The following KIF26B variants were observed in gnomAD, a reference collection of about 807,000 sequenced individuals.
KIF26B encodes kinesin family member 26B, also known as kinesin-like protein KIF26B.
In KIF26B, 63 loss-of-function variants were observed where a neutral mutation model predicts 151.2. The ratio of observed to expected loss-of-function variants is 0.42; its 90% CI spans 0.34 to 0.51. The LOEUF (loss-of-function observed/expected upper bound fraction) is 0.51, where lower values mean the gene tolerates loss of function less well. Ranked by LOEUF, KIF26B falls within the 20% of genes least tolerant of loss-of-function variation. KIF26B has a pLI of 0.07. For missense variants in KIF26B, 2,813 were observed against 2,913.6 expected (o/e 0.97, Z 0.79); for synonymous variants, 1,357 against 1,262.1 (o/e 1.08, Z -1.59).
At chr1:245,382,033 G>T (rs112384655) in intron 3 of KIF26B, among the ~76,000 whole-genome samples, 1 of 152,086 alleles carries the variant, frequency 6.6e-6, no homozygotes, top group Non-Finnish European at 1.5e-5. Flanking sequence ...TGTGAACATG[G>T]GTATACACAT....
chr1:245,694,084 C>T (rs561181595), intron 12 of KIF26B, among the ~76,000 whole-genome samples: 3 of 152,198 alleles, frequency 2.0e-5, no homozygotes, highest in African/African-American at 2.4e-5. Context: ...GGTTCGGAAT[C>T]GCAGAGAACA....
rs1306497150 is a variant in KIF26B at position 245,244,077 on chromosome 1, G to T, written c.465+87394G>T. On this transcript the variant is annotated intron_variant, in intron 2 of 14. Coordinates refer to ENST00000407071, the MANE Select transcript of KIF26B (RefSeq NM_018012.4). The surrounding 1 kb of genome is among the most constrained non-coding windows in gnomAD (Gnocchi z 4.2). ...CCTCGGCCTCTTGTCCTGTTGAGTA[G>T]CTAGGACTACAGGCATGCACCATCA... 6.6e-6 allele frequency among the ~76,000 whole-genome samples: 1 copy of T among 151,966 alleles called. No individual in the cohort carries two copies. The highest frequency in any genetic ancestry group is 2.4e-5 in the African/African-American group (1 of 41,344).
At chr1:245,328,109 G>A (rs1172642456) in intron 2 of KIF26B, among the ~76,000 whole-genome samples, 1 of 148,468 alleles carries the variant, frequency 6.7e-6, no homozygotes, top group Non-Finnish European at 1.5e-5. Flanking sequence ...GTCTCCGAAT[G>A]AACTGCTTTG....
chr1:245,159,655 A>G (rs976456261), intron 2 of KIF26B, among the ~76,000 whole-genome samples: 10 of 152,200 alleles, frequency 6.6e-5, no homozygotes, highest in African/African-American at 2.4e-4. Context: ...TATATTTTCT[A>G]AACATGCTGC....
At chr1:245,388,920 A>G (rs1673620527) in intron 3 of KIF26B, among the ~76,000 whole-genome samples, 2 of 152,224 alleles carry the variant, frequency 1.3e-5, no homozygotes, top group South Asian at 2.1e-4. Flanking sequence ...ACTCTGGGAC[A>G]GTAAGCATTG....
intron 4 of KIF26B, among the ~76,000 whole-genome samples, chr1:245,533,702 T>G (rs189767060): frequency 1.3e-5 from 2 of 152,278 alleles, no homozygotes; most frequent in Admixed American, 1.3e-4. Flanking sequence ...TCTCATGAGA[T>G]GCACTTAGAA....
At chr1:245,369,895 C>A (rs1039188584) in intron 3 of KIF26B, among the ~76,000 whole-genome samples, 5 of 152,198 alleles carry the variant, frequency 3.3e-5, no homozygotes, top group African/African-American at 1.2e-4. Context: ...AATGAGGAAC[C>A]AGTGGCGTCC....
chr1:245,577,453 A>G (rs886307631), intron 5 of KIF26B, among the ~76,000 whole-genome samples: 2 of 152,282 alleles, frequency 1.3e-5, no homozygotes, highest in South Asian at 4.1e-4. Context: ...AGTCAAGAGC[A>G]CTTCCACAAT....
intron 2 of KIF26B, among the ~76,000 whole-genome samples, chr1:245,340,666 G>A (rs2102995580): frequency 6.6e-6 from 1 of 152,312 alleles, no homozygotes; most frequent in Non-Finnish European, 1.5e-5. Context: ...AAGATAGACA[G>A]GGTCCTGCTT....
intron 2 of KIF26B, among the ~76,000 whole-genome samples, chr1:245,300,978 C>G (rs1573761555): frequency 1.3e-5 from 2 of 151,342 alleles, no homozygotes; most frequent in East Asian, 3.9e-4. Flanking sequence ...TACAGGTGCG[C>G]ACCACCACAC....
rs1015033963 is a variant in KIF26B, at chr1:245,697,413, G to A, written c.5825-693G>A. Among the ~76,000 whole-genome samples, 5 of 152,180 alleles carry A rather than the reference G, an allele frequency of 3.3e-5. 1 individual carries two copies. Among genetic ancestry groups the A allele is most frequent in the African/African-American group, 7.2e-5 (3 of 41,442 alleles). On this transcript the variant is annotated intron_variant, in intron 12 of 14. Transcript: ENST00000407071. ...AAGTGTGTGAAATAGTACCAGGCAC[G>A]TAACCAGTGCATGTGAGTGCTACTG...
At chr1:245,187,006 A>G (rs2364892) in intron 2 of KIF26B, among the ~76,000 whole-genome samples, 151,913 of 152,078 alleles carry the variant, frequency 1, 75,874 homozygotes, top group Middle Eastern at 1. Context: ...ACAGGCGCGC[A>G]CCACCACGCT....
rs1250364356 is a variant in KIF26B, at chr1:245,685,947, G to T, written c.2964G>T (p.Leu988=). The T allele has an allele frequency of 6.2e-7, 1 of 1,609,088 alleles. No individual in the cohort carries two copies. ...AAGATAATGGGTCCGAAGGTCAGCT[G>T]ACCAACAGAGAAGGCCCTGAACTCC... ...DKEDNGSEGQ[L]TNREGPELPA... The change falls in exon 12 of 15, where the codon CTG becomes CTT. Residue 988 remains leucine, a synonymous_variant. Transcript: ENST00000407071.
intron 2 of KIF26B, among the ~76,000 whole-genome samples, chr1:245,171,282 G>A (rs986091027): frequency 1.3e-5 from 2 of 152,162 alleles, no homozygotes; most frequent in African/African-American, 2.4e-5. Flanking sequence ...GGTGGCTCAC[G>A]CCTGTAATCC....
chr1:245,577,067 C>T (rs1363553194), intron 5 of KIF26B, among the ~76,000 whole-genome samples: 1 of 152,130 alleles, frequency 6.6e-6, no homozygotes, highest in Non-Finnish European at 1.5e-5. Flanking sequence ...AAATTTTATG[C>T]TTCACCATCG....
intron 4 of KIF26B, among the ~76,000 whole-genome samples, chr1:245,509,544 C>G (rs1478282408): frequency 6.6e-6 from 1 of 152,210 alleles, no homozygotes; most frequent in African/African-American, 2.4e-5. Flanking sequence ...ATTAGGATCT[C>G]TTCTCACGTC....
chr1:245,273,028 G>GGTCCCTCGATCTGTAGT (rs1364037548), intron 2 of KIF26B, among the ~76,000 whole-genome samples: 7 of 151,922 alleles, frequency 4.6e-5, no homozygotes, highest in Non-Finnish European at 7.4e-5. Flanking sequence ...ATGTCTGTTG[G>GGTCCCTCGATCTGTAGT]GTCCCTCGAT....
At chr1:245,212,409 A>G (rs1669557154) in intron 2 of KIF26B, among the ~76,000 whole-genome samples, 1 of 152,108 alleles carries the variant, frequency 6.6e-6, no homozygotes, top group Non-Finnish European at 1.5e-5. Context: ...AACCCCTGAG[A>G]GGTCCCTTTT....
chr1:245,578,635 G>A (rs1048609285), intron 5 of KIF26B, among the ~76,000 whole-genome samples: 1 of 152,142 alleles, frequency 6.6e-6, no homozygotes, highest in Admixed American at 6.5e-5. Context: ...TTTCCTGCTG[G>A]GCCTAATTCT....
Sources: allele counts gnomAD v4.1 joint callset (sites outside exome capture counted in the v4.1 genomes callset), GRCh38; gene constraint gnomAD v4.1.1; non-coding constraint Gnocchi (gnomAD v3.1); transcripts MANE v1.5; gene names NCBI Gene and HGNC (gene_info 2026-07-23, HGNC 2026-07-21).